Variants in POFUT2 observed in about 807,000 individuals in gnomAD.
POFUT2 encodes the protein protein O-fucosyltransferase 2.
In POFUT2, 30 loss-of-function variants were observed where a neutral mutation model predicts 55.0. The ratio of observed to expected loss-of-function variants is 0.55; its 90% CI spans 0.41 to 0.74. The LOEUF (loss-of-function observed/expected upper bound fraction) is 0.74. Among genes scored for constraint, POFUT2 ranks in the 30% least tolerant of loss-of-function variants. POFUT2 has a pLI of 0.00. For synonymous variants in POFUT2, 267 were observed against 231.1 expected (o/e 1.16, Z -1.41); for missense variants, 524 against 562.6 (o/e 0.93, Z 0.69).
chr21:45,267,433 C>G lies in POFUT2; in HGVS notation c.1136+157G>C, dbSNP rs758332205. ...AACTTCAGCCCAGGGAAACACTGAA[C>G]CAGATGCTACAGGAGACTCAGACGA... On this transcript the variant is annotated intron_variant, in intron 8 of 8. Transcript: ENST00000349485. This position sits in a 1 kb window ranked among gnomAD's most constrained non-coding sequence, Gnocchi z 4.4. The G allele has an allele frequency of 2.5e-6, 4 of 1,612,228 alleles. No homozygotes were observed. The highest frequency in any genetic ancestry group is 3.4e-6 in the Non-Finnish European group (4 of 1,178,598).
rs774962183 is a variant in POFUT2 at position 45,267,577 on chromosome 21, C to T, written c.1136+13G>A. The T allele has an allele frequency of 1.9e-5, 30 of 1,614,014 alleles. No homozygotes were observed. Among genetic ancestry groups the T allele is most frequent in the Middle Eastern group, 3.3e-4 (2 of 6,084 alleles). ...CCGACCCGCTCTCGGCCGACAGTGA[C>T]GTGGGCAGGCACCTGGCGTGTGCGC... On this transcript the variant is annotated intron_variant, in intron 8 of 8. Coordinates refer to ENST00000349485, the MANE Select transcript of POFUT2 (RefSeq NM_133635.6). The surrounding 1 kb of genome is among the most constrained non-coding windows in gnomAD (Gnocchi z 4.4).
chr21:45,267,740 G>A lies in POFUT2; in HGVS notation c.1013-27C>T. On this transcript the variant is annotated intron_variant, in intron 7 of 8. Coordinates refer to ENST00000349485, the MANE Select transcript of POFUT2 (RefSeq NM_133635.6). This position sits in a 1 kb window ranked among gnomAD's most constrained non-coding sequence, Gnocchi z 4.4. ...TGCAAAGTAGAAGGAGAGACCCTTT[G>A]AACCGGGATCCTCCAGTAAGGACAG... 6.2e-7 allele frequency: 1 copy of A among 1,602,796 alleles called. No individual in the cohort carries two copies. Among genetic ancestry groups the A allele is most frequent in the Non-Finnish European group, 8.5e-7 (1 of 1,170,572 alleles).
At chr21:45,283,348 G>GGGGGC in intron 3 of POFUT2, 35 bp downstream of exon 3, 1 of 1,144,156 alleles carries the variant, frequency 8.7e-7, no homozygotes, top group Non-Finnish European at 1.1e-6. Context: ...AGGTGGGGGG[G>GGGGGC]CACCTGCGGC....
intron 7 of POFUT2, among the ~76,000 whole-genome samples, chr21:45,268,708 G>T (rs573593896): frequency 1.8e-4 from 26 of 147,266 alleles, no homozygotes; most frequent in African/African-American, 6.5e-4. Context: ...GTCTCTGCCC[G>T]GCCGCCCCGT....
chr21:45,277,772 A>G lies in POFUT2; in HGVS notation c.705+331T>C. 2.8e-6 allele frequency: 1 copy of G among 361,606 alleles called. No homozygotes were observed. The allele number at this position is 361,606 out of a possible 1,614,324, so 22.4% of individuals were successfully genotyped here. On this transcript the variant is annotated intron_variant, in intron 5 of 8. Transcript: ENST00000349485. The surrounding 1 kb of genome is among the most constrained non-coding windows in gnomAD (Gnocchi z 6.9). ...TGCAGAGAATAGTCCCACCTTTCAA[A>G]GCTAAAGAGAGGAGAAAGGAGGGGT...
chr21:45,282,361 T>A lies in POFUT2; in HGVS notation c.626A>T (p.Asn209Ile). 1 of 1,610,276 alleles carries A rather than the reference T, an allele frequency of 6.2e-7. No individual in the cohort carries two copies. The highest frequency in any genetic ancestry group is 8.5e-7 in the Non-Finnish European group (1 of 1,177,138). The change falls in exon 4 of 9, where the codon AAC becomes ATC. Residue 209 changes from asparagine to isoleucine, a missense_variant. By Grantham distance (149) the Asn-to-Ile change is moderately radical. Coordinates refer to ENST00000349485, the MANE Select transcript of POFUT2 (RefSeq NM_133635.6). The surrounding 1 kb of genome is among the most constrained non-coding windows in gnomAD (Gnocchi z 4.6). ...ASIVAPLLLRNTSARSVMLDR... is the reference protein window; with the variant it reads ...ASIVAPLLLRITSARSVMLDR... ...CTGGGGCACTCACCGGGCTGATGTG[T>A]TTCTCAGCAGCAGGGGCGCCACGAT...
chr21:45,283,963 T>G (rs1218047977), intron 2 of POFUT2, among the ~76,000 whole-genome samples: 1 of 152,126 alleles, frequency 6.6e-6, no homozygotes, highest in Non-Finnish European at 1.5e-5. Context: ...CACCATCTAC[T>G]GCACTGGTGT....
At chr21:45,268,809 G>A in intron 7 of POFUT2, among the ~76,000 whole-genome samples, 1 of 147,332 alleles carries the variant, frequency 6.8e-6, no homozygotes, top group East Asian at 2.0e-4. Context: ...CCGGGAGGGA[G>A]GTGGGGGGGT....
chr21:45,266,480 G>C, intron 8 of POFUT2: 1 of 1,122,666 alleles, frequency 8.9e-7, no homozygotes, highest in Non-Finnish European at 1.1e-6. Context: ...TGAGAGCTCA[G>C]TGCGAAGCCT....
rs767660282 is a variant in POFUT2 at position 45,285,766 on chromosome 21, G to A, written c.294C>T (p.His98=). The stretch of plus-strand genomic sequence containing the variant: ...ACTCAGACCAGGGAATCCGGACCTG[G>A]TGGATGTCAGGACTCTGCCAGTGAT... The part of the protein sequence containing the change: ...RLYHWQSPDI[H]QVRIPWSEFF... Residue 98 remains histidine (H), a synonymous_variant, in exon 2 of 9, where the codon CAC becomes CAT. Coordinates refer to ENST00000349485, the MANE Select transcript of POFUT2 (RefSeq NM_133635.6). This position sits in a 1 kb window ranked among gnomAD's most constrained non-coding sequence, Gnocchi z 4.9. 5 of 1,613,764 alleles carry A rather than the reference G, an allele frequency of 3.1e-6. No individual in the cohort carries two copies. In the East Asian group the frequency reaches 8.9e-5, roughly 29 times the overall value.
chr21:45,265,910 A>G lies in POFUT2; in HGVS notation c.1137-275T>C. 2 of 1,308,216 alleles carry G rather than the reference A, an allele frequency of 1.5e-6. No homozygotes were observed. Among genetic ancestry groups the G allele is most frequent in the Non-Finnish European group, 2.0e-6 (2 of 1,018,200 alleles). The allele number at this position is 1,308,216 out of a possible 1,614,324, so 81.0% of individuals were successfully genotyped here. On this transcript the variant is annotated intron_variant, in intron 8 of 8. Transcript: ENST00000349485. The surrounding 1 kb of genome is among the most constrained non-coding windows in gnomAD (Gnocchi z 4.6). ...AGCCGCCACGCTCCTGTCCCACCGCATGTCCCCCTGGGAGCCCTCCTCTCC... is the reference window on the plus strand; with the variant it reads ...AGCCGCCACGCTCCTGTCCCACCGCGTGTCCCCCTGGGAGCCCTCCTCTCC...
In POFUT2 at chr21:45,285,802, C is replaced by T; in HGVS notation, c.258G>A (p.Trp86Ter). The part of the protein sequence containing the change: ...TEEWVLVLPP[W>*]GRLYHWQSPD... ...GACTCTGCCAGTGATAGAGGCGGCC[C>T]CATGGAGGCAGGACAAGCACCCACT... Residue 86 changes from tryptophan to a stop codon, truncating the protein, a stop_gained, in exon 2 of 9, where the codon TGG becomes TGA. Transcript: ENST00000349485. LOFTEE classifies it high-confidence loss of function. This position sits in a 1 kb window ranked among gnomAD's most constrained non-coding sequence, Gnocchi z 4.9. 1 of 1,613,676 alleles carries T rather than the reference C, an allele frequency of 6.2e-7. No homozygotes were observed. Among genetic ancestry groups the T allele is most frequent in the Non-Finnish European group, 8.5e-7 (1 of 1,180,022 alleles).
Position 45,277,816 on chromosome 21 carries a change from C to T in POFUT2, c.705+287G>A, listed in dbSNP as rs984833453. 12 of 494,344 alleles carry T rather than the reference C, an allele frequency of 2.4e-5. No individual in the cohort carries two copies. The highest frequency in any genetic ancestry group is 1.3e-4 in the South Asian group (5 of 39,444). 30.6% of individuals were successfully genotyped at this position (494,344 alleles called of 1,614,324 possible). A position where few individuals can be genotyped will look rare whatever the true frequency, so the allele number is the denominator to read the frequency against. ...GAGGGGTCTACGTTCCAGCCACTGA[C>T]GGAGTCACTGACTCCGGGGCTGACT... is the stretch of plus-strand genomic sequence containing the variant. On this transcript the variant is annotated intron_variant, in intron 5 of 8. Coordinates refer to ENST00000349485, the MANE Select transcript of POFUT2 (RefSeq NM_133635.6). The surrounding 1 kb of genome is among the most constrained non-coding windows in gnomAD (Gnocchi z 6.9).
At position 45,282,629 on chromosome 21, in the gene POFUT2, A is replaced by T. The variant is rs545924924; in HGVS notation, c.528-170T>A. 2.6e-5 allele frequency among the ~76,000 whole-genome samples: 4 copies of T among 152,374 alleles called. No homozygotes were observed. In the South Asian group the frequency reaches 8.3e-4, roughly 32 times the overall value. On this transcript the variant is annotated intron_variant, in intron 3 of 8. Coordinates refer to ENST00000349485, the MANE Select transcript of POFUT2 (RefSeq NM_133635.6). This position sits in a 1 kb window ranked among gnomAD's most constrained non-coding sequence, Gnocchi z 4.6. Reference sequence around the variant, plus strand: ...CGTGACATTCTAGTAAAATTTTAAAAGAAGCCCATGAGTGTCTCTCAGGCT... The same window carrying T: ...CGTGACATTCTAGTAAAATTTTAAATGAAGCCCATGAGTGTCTCTCAGGCT...
chr21:45,271,125 C>T (rs1341508429), intron 6 of POFUT2, among the ~76,000 whole-genome samples: 1 of 150,808 alleles, frequency 6.6e-6, no homozygotes, highest in East Asian at 2.0e-4. Context: ...AGGTGAAAAC[C>T]AACTTAAAGA....
At chr21:45,266,624 A>G in intron 8 of POFUT2, 3 of 1,012,608 alleles carry the variant, frequency 3.0e-6, no homozygotes, top group Non-Finnish European at 3.6e-6. Context: ...CTAAGAAGTC[A>G]GCGCTGCATC....
In POFUT2 at chr21:45,269,851, C is replaced by T; in HGVS notation, c.1000G>A (p.Ala334Thr). Residue 334 changes from alanine to threonine, a missense_variant, in exon 7 of 9, where the codon GCC becomes ACC. By Grantham distance (58) the Ala-to-Thr change is moderately conservative. Transcript: ENST00000349485. ...TGAAGCTCCATACCCTTTCTGACGG[C>T]ATCTGTGGCCACAAACACCTTGTCC... ...RLDKVFVATDAVRKEYEELKK... is the reference protein window; with the variant it reads ...RLDKVFVATDTVRKEYEELKK... 6.2e-7 allele frequency: 1 copy of T among 1,603,154 alleles called. No individual in the cohort carries two copies.
chr21:45,278,154 G>A lies in POFUT2; in HGVS notation c.654C>T (p.Asp218=). ...GGTCGTGAAGTAGGTTCTCGGCTCT[G>A]TCTAACATCACGGACCTGTTTTTAA... ...RNTSARSVML[D]RAENLLHDHY... is the part of the protein sequence containing the mutation. Residue 218 remains aspartate (D), a synonymous_variant, in exon 5 of 9, where the codon GAC becomes GAT. Transcript: ENST00000349485. 1 of 1,613,064 alleles carries A rather than the reference G, an allele frequency of 6.2e-7. No homozygotes were observed. Among genetic ancestry groups the A allele is most frequent in the Non-Finnish European group, 8.5e-7 (1 of 1,179,076 alleles).
rs571509262 is a variant in POFUT2, at chr21:45,277,381, G to A, written c.706-239C>T. 1.5e-4 allele frequency: 76 copies of A among 521,574 alleles called. No individual in the cohort carries two copies. The highest frequency in any genetic ancestry group is 4.7e-4 in the Admixed American group (14 of 29,826). The allele number at this position is 521,574 out of a possible 1,614,324, so 32.3% of individuals were successfully genotyped here. A position where few individuals can be genotyped will look rare whatever the true frequency, so the allele number is the denominator to read the frequency against. On this transcript the variant is annotated intron_variant, in intron 5 of 8. Transcript: ENST00000349485. This position sits in a 1 kb window ranked among gnomAD's most constrained non-coding sequence, Gnocchi z 6.9. ...CCTGCCGGCTCTGCCAGCCCCTGCC[G>A]TGGGAAGCTGCGGCACACACTGGGC... is the stretch of plus-strand genomic sequence containing the variant.
Sources: gnomAD v4.1 joint callset for allele counts (sites outside exome capture counted in the v4.1 genomes callset) on GRCh38, gnomAD v4.1.1 for gene constraint, Gnocchi (gnomAD v3.1) non-coding constraint, MANE v1.5 for transcripts, NCBI Gene and HGNC (gene_info 2026-07-23, HGNC 2026-07-21) for gene names.